The following NRXN3 variants were observed in gnomAD, a reference collection of about 807,000 sequenced individuals.
The protein encoded by NRXN3 is neurexin 3.
Under a neutral mutation model 137.6 loss-of-function variants are expected in NRXN3, and 32 were observed. The observed-to-expected ratio is 0.23, with a 90% CI of 0.18 to 0.31. The LOEUF is 0.31. Ranked by LOEUF, NRXN3 falls within the 10% of genes least tolerant of loss-of-function variation. The probability of loss-of-function intolerance (pLI) is 1.00; values close to 1 mark genes in which losing one functional copy is unlikely to be tolerated. For missense variants in NRXN3, 1,574 were observed against 2,062.5 expected (o/e 0.76, Z 4.59); for synonymous variants, 798 against 784.5 (o/e 1.02, Z -0.29).
intron 15 of NRXN3, among the ~76,000 whole-genome samples, chr14:79,255,370 C>T (rs1194966561): frequency 6.6e-6 from 1 of 152,162 alleles, no homozygotes; most frequent in Non-Finnish European, 1.5e-5. Flanking sequence ...GATTGCTTAC[C>T]CTGCCTGGTG....
chr14:78,241,648 T>C (rs2067098391), intron 1 of NRXN3, among the ~76,000 whole-genome samples: 1 of 151,576 alleles, frequency 6.6e-6, no homozygotes, highest in Non-Finnish European at 1.5e-5. Context: ...TATGCTAGGA[T>C]CTTCCTATAC....
At chr14:79,493,535 C>T (rs368425493) in intron 16 of NRXN3, among the ~76,000 whole-genome samples, 41 of 152,162 alleles carry the variant, frequency 2.7e-4, no homozygotes, top group African/African-American at 9.6e-4. Flanking sequence ...AGAAAAGAGT[C>T]AAACATATAG....
intron 15 of NRXN3, among the ~76,000 whole-genome samples, chr14:79,400,432 C>G (rs1206068424): frequency 1.3e-5 from 2 of 152,180 alleles, no homozygotes; most frequent in East Asian, 3.9e-4. Context: ...CTTATCCTCA[C>G]AACAGCCTTT....
At chr14:78,324,864 C>T (rs759690485) in intron 4 of NRXN3, among the ~76,000 whole-genome samples, 2 of 151,868 alleles carry the variant, frequency 1.3e-5, no homozygotes, top group African/African-American at 2.4e-5. Context: ...CCTTAGCTTT[C>T]GGGGTGTGAT....
intron 3 of NRXN3, among the ~76,000 whole-genome samples, chr14:78,284,014 C>T (rs918204463): frequency 6.6e-6 from 1 of 152,142 alleles, no homozygotes; most frequent in African/African-American, 2.4e-5. Context: ...AATAAGAGAA[C>T]CTACCTCATG....
intron 10 of NRXN3, among the ~76,000 whole-genome samples, chr14:78,926,134 C>G (rs2099289518): frequency 6.6e-6 from 1 of 152,014 alleles, no homozygotes; most frequent in Non-Finnish European, 1.5e-5. Flanking sequence ...TACAGTAGTT[C>G]CCACCTATTC....
chr14:79,836,074 A>T (rs915675125), intron 20 of NRXN3, among the ~76,000 whole-genome samples: 3 of 152,154 alleles, frequency 2.0e-5, no homozygotes, highest in Non-Finnish European at 4.4e-5. Context: ...ATTAGGGTAC[A>T]ATGTTTTCTG....
At chr14:78,793,271 G>A (rs1298857336) in intron 8 of NRXN3, among the ~76,000 whole-genome samples, 2 of 152,008 alleles carry the variant, frequency 1.3e-5, no homozygotes, top group Non-Finnish European at 2.9e-5. Flanking sequence ...GCATTTAAAA[G>A]AAAATAAAGT....
At chr14:79,638,176 A>G (rs1264396015) in intron 16 of NRXN3, among the ~76,000 whole-genome samples, 3 of 152,134 alleles carry the variant, frequency 2.0e-5, no homozygotes, top group African/African-American at 7.2e-5. Context: ...TGTGGTTTAT[A>G]ACATGCTGTA....
At chr14:79,033,623 A>G (rs1382086765) in intron 15 of NRXN3, among the ~76,000 whole-genome samples, 3 of 152,142 alleles carry the variant, frequency 2.0e-5, no homozygotes, top group African/African-American at 7.2e-5. Context: ...GCAAGCAGGT[A>G]CAACCTAGAG....
intron 15 of NRXN3, among the ~76,000 whole-genome samples, chr14:79,441,435 A>G (rs2095949983): frequency 8.4e-6 from 1 of 118,568 alleles, no homozygotes; most frequent in Admixed American, 1.2e-4. Flanking sequence ...GCTGGAGTGC[A>G]GTGGTGCGAT....
chr14:78,173,537 A>T (rs2058950335), intron 1 of NRXN3, among the ~76,000 whole-genome samples: 1 of 149,714 alleles, frequency 6.7e-6, no homozygotes, highest in Admixed American at 6.6e-5. Flanking sequence ...TTTTCATCCC[A>T]CCACCAATCT....
intron 4 of NRXN3, among the ~76,000 whole-genome samples, chr14:78,511,866 C>G (rs1003680348): frequency 1.3e-5 from 2 of 152,122 alleles, no homozygotes; most frequent in African/African-American, 2.4e-5. Context: ...AGCGCTTCTT[C>G]TTCCACATGG....
intron 15 of NRXN3, among the ~76,000 whole-genome samples, chr14:79,027,634 C>A (rs1257468461): frequency 6.6e-6 from 1 of 152,022 alleles, no homozygotes; most frequent in African/African-American, 2.4e-5. Context: ...ATGTAATGTC[C>A]TTTTTACTTA....
At chr14:78,906,104 T>C (rs1348518314) in intron 10 of NRXN3, among the ~76,000 whole-genome samples, 1 of 152,214 alleles carries the variant, frequency 6.6e-6, no homozygotes, top group East Asian at 1.9e-4. Context: ...TCTGTTAAAG[T>C]TGATTATCGC....
chr14:79,058,927 C>T (rs1381433218), intron 15 of NRXN3, among the ~76,000 whole-genome samples: 2 of 152,154 alleles, frequency 1.3e-5, no homozygotes, highest in Non-Finnish European at 2.9e-5. Context: ...TGTAACTTTC[C>T]TGAGGCTTCC....
intron 16 of NRXN3, among the ~76,000 whole-genome samples, chr14:79,650,832 G>T (rs1393687993): frequency 6.6e-6 from 1 of 152,162 alleles, no homozygotes; most frequent in East Asian, 1.9e-4. Flanking sequence ...GGCAAGTCTA[G>T]TGCAAACTGA....
intron 4 of NRXN3, among the ~76,000 whole-genome samples, chr14:78,316,288 G>A (rs1007761654): frequency 1.1e-4 from 16 of 151,878 alleles, no homozygotes; most frequent in East Asian, 1.9e-4. Context: ...AGTTGGGGGC[G>A]GGGGTGGCAG....
At chr14:78,943,887 T>C (rs2099360164) in intron 10 of NRXN3, among the ~76,000 whole-genome samples, 1 of 151,472 alleles carries the variant, frequency 6.6e-6, no homozygotes, top group South Asian at 2.1e-4. Context: ...GCCTCCAATC[T>C]GGTTGGGGAT....
Sources: gnomAD v4.1 joint callset for allele counts (sites outside exome capture counted in the v4.1 genomes callset) on GRCh38, gnomAD v4.1.1 for gene constraint, MANE v1.5 for transcripts, NCBI Gene and HGNC (gene_info 2026-07-23, HGNC 2026-07-21) for gene names.